Variants in ZBTB20 observed in about 807,000 individuals in gnomAD.
ZBTB20 encodes the protein zinc finger and BTB domain containing 20, also known as zinc finger and BTB domain-containing protein 20.
ZBTB20 carries 9 observed loss-of-function variants against 56.9 expected under a neutral mutation model. The ratio of observed to expected loss-of-function variants is 0.16; its 90% CI spans 0.10 to 0.28. The LOEUF (loss-of-function observed/expected upper bound fraction) is 0.28, where lower values mean the gene tolerates loss of function less well. ZBTB20 is among the 10% of genes least tolerant of loss of function. The pLI is 1.00. For synonymous variants in ZBTB20, 417 were observed against 420.7 expected, an observed-to-expected ratio of 0.99 and a Z score of 0.11; for missense variants, 655 against 1,003.0, an observed-to-expected ratio of 0.65 and a Z score of 4.69.
At chr3:114,998,317 C>CA (rs1282971591) in intron 2 of ZBTB20, among the ~76,000 whole-genome samples, 11 of 151,414 alleles carry the variant, frequency 7.3e-5, no homozygotes, top group Admixed American at 3.3e-4. Flanking sequence ...ATATAACCAC[C>CA]AAAAAAATCA....
intron 2 of ZBTB20, among the ~76,000 whole-genome samples, chr3:115,032,920 G>A (rs1464847947): frequency 1.0e-5 from 1 of 97,512 alleles, no homozygotes; most frequent in African/African-American, 4.0e-5. Flanking sequence ...CAACAAAAAA[G>A]ACCTCAAATC....
intron 6 of ZBTB20, among the ~76,000 whole-genome samples, chr3:114,637,438 A>T (rs1374104384): frequency 6.6e-6 from 1 of 152,108 alleles, no homozygotes; most frequent in African/African-American, 2.4e-5. Flanking sequence ...TCAAATTATT[A>T]ACTTAGTATT....
intron 7 of ZBTB20, among the ~76,000 whole-genome samples, chr3:114,409,395 C>T (rs956841936): frequency 2.0e-5 from 3 of 151,822 alleles, no homozygotes; most frequent in Non-Finnish European, 4.4e-5. Flanking sequence ...AATAGCCAAT[C>T]GATTTTGGCC....
intron 7 of ZBTB20, among the ~76,000 whole-genome samples, chr3:114,481,807 C>G (rs2041583799): frequency 1.3e-5 from 2 of 152,162 alleles, no homozygotes; most frequent in Admixed American, 6.5e-5. Context: ...GCCTGGGTCA[C>G]CAGGGAAGCT....
intron 6 of ZBTB20, among the ~76,000 whole-genome samples, chr3:114,637,346 C>A (rs1250108726): frequency 2.0e-5 from 3 of 151,976 alleles, no homozygotes; most frequent in Non-Finnish European, 4.4e-5. Context: ...CCTTAAATGG[C>A]TGTATAGCTT....
Position 114,496,451 on chromosome 3 carries a change from A to G in ZBTB20, c.-255+3901T>C, listed in dbSNP as rs114763816. On this transcript the variant is annotated intron_variant, in intron 7 of 11. Transcript: ENST00000675478. ...GATCACCAGCCTACGTTCTGCACTCAGGTCACTGGGGGACCTGGGCTTTCA... is the reference window on the plus strand; with the variant it reads ...GATCACCAGCCTACGTTCTGCACTCGGGTCACTGGGGGACCTGGGCTTTCA... Among the ~76,000 whole-genome samples, 528 of 152,326 alleles carry G rather than the reference A, an allele frequency of 3.5e-3. 3 individuals carry two copies. Among genetic ancestry groups the G allele is most frequent in the African/African-American group, 0.012 (511 of 41,576 alleles).
chr3:114,854,886 C>T (rs996426297), intron 4 of ZBTB20, among the ~76,000 whole-genome samples: 1 of 152,166 alleles, frequency 6.6e-6, no homozygotes, highest in Non-Finnish European at 1.5e-5. Context: ...TCACCAAAGA[C>T]TCTAGCTTCC....
intron 6 of ZBTB20, among the ~76,000 whole-genome samples, chr3:114,630,804 G>T (rs908474953): frequency 6.6e-6 from 1 of 152,156 alleles, no homozygotes; most frequent in Non-Finnish European, 1.5e-5. Flanking sequence ...CAGGCAAGGA[G>T]AACTACATTT....
chr3:114,909,695 T>C (rs1384877482), intron 3 of ZBTB20, among the ~76,000 whole-genome samples: 1 of 152,024 alleles, frequency 6.6e-6, no homozygotes, highest in South Asian at 2.1e-4. Context: ...AAGTACACTC[T>C]ATGATGCTCA....
intron 7 of ZBTB20, among the ~76,000 whole-genome samples, chr3:114,407,592 A>G (rs1244362822): frequency 6.6e-6 from 1 of 152,200 alleles, no homozygotes; most frequent in Non-Finnish European, 1.5e-5. Context: ...CATCATAGTG[A>G]TGGAGGCAAA....
At chr3:114,570,663 T>C (rs1248450260) in intron 6 of ZBTB20, among the ~76,000 whole-genome samples, 1 of 152,144 alleles carries the variant, frequency 6.6e-6, no homozygotes. Context: ...AAATGAATAA[T>C]CTTGCTTGAA....
At chr3:115,072,666 G>C (rs531565591) in intron 1 of ZBTB20, among the ~76,000 whole-genome samples, 1 of 152,130 alleles carries the variant, frequency 6.6e-6, no homozygotes, top group Non-Finnish European at 1.5e-5. Flanking sequence ...GGCCTTTTCT[G>C]ATTAAGTTCA....
chr3:114,942,723 T>C (rs932734389), intron 3 of ZBTB20, among the ~76,000 whole-genome samples: 2 of 146,000 alleles, frequency 1.4e-5, no homozygotes, highest in Non-Finnish European at 3.0e-5. Context: ...ATAAAGGAAG[T>C]AAACACGTTA....
chr3:114,525,347 T>G (rs749123943), intron 6 of ZBTB20, among the ~76,000 whole-genome samples: 1 of 152,182 alleles, frequency 6.6e-6, no homozygotes, highest in Non-Finnish European at 1.5e-5. Flanking sequence ...TGCTTTACTA[T>G]CCTACCAGCT....
intron 1 of ZBTB20, among the ~76,000 whole-genome samples, chr3:115,129,130 T>G (rs1211926231): frequency 6.6e-6 from 1 of 152,180 alleles, no homozygotes; most frequent in Non-Finnish European, 1.5e-5. Context: ...TTCAGCTTTC[T>G]TATAACATCA....
chr3:114,614,765 GTTTT>G (rs2057805208), intron 6 of ZBTB20, among the ~76,000 whole-genome samples: 1 of 133,188 alleles, frequency 7.5e-6, no homozygotes, highest in Non-Finnish European at 1.7e-5. Context: ...TTGTTTGTTT[GTTTT>G]GAGACGGAGT....
In ZBTB20 at chr3:114,336,463, T is replaced by C. The variant is rs574907665; in HGVS notation, c.*2542A>G. The C allele has an allele frequency of 6.6e-6, 1 of 152,308 alleles. No homozygotes were observed. Among genetic ancestry groups the C allele is most frequent in the South Asian group, 2.1e-4 (1 of 4,822 alleles). The allele number at this position is 152,308 out of a possible 1,614,324, so 9.4% of individuals were successfully genotyped here. ...GACATACAGTTCTTGGCAGGACTCC[T>C]CTTAGAAATCACAATAGGTTACACT... On this transcript the variant is annotated 3_prime_UTR_variant, in exon 12 of 12. Transcript: ENST00000675478.
At chr3:114,461,826 C>G (rs570360260) in intron 7 of ZBTB20, among the ~76,000 whole-genome samples, 90 of 152,206 alleles carry the variant, frequency 5.9e-4, no homozygotes, top group African/African-American at 2.1e-3. Context: ...TTTAACAAGC[C>G]CTTTAGGTAA....
Position 114,383,058 on chromosome 3 carries a change from T to C in ZBTB20, c.-153-2118A>G, listed in dbSNP as rs116688539. Among the ~76,000 whole-genome samples, 662 of 152,334 alleles carry C rather than the reference T, an allele frequency of 4.3e-3. 5 individuals carry two copies. The highest frequency in any genetic ancestry group is 0.015 in the African/African-American group (637 of 41,572). ...TTAAAGTGTATTTTAAGAACGGTCA[T>C]AGTCTGAATCCCAATTAAGTTTCCT... On this transcript the variant is annotated intron_variant, in intron 8 of 11. Coordinates refer to ENST00000675478, the MANE Select transcript of ZBTB20 (RefSeq NM_001348800.3).
Sources: gnomAD v4.1 joint callset for allele counts (sites outside exome capture counted in the v4.1 genomes callset) on GRCh38, gnomAD v4.1.1 for gene constraint, MANE v1.5 for transcripts, NCBI Gene and HGNC (gene_info 2026-07-23, HGNC 2026-07-21) for gene names.